Variants in IFI16 observed in about 807,000 individuals in gnomAD.
IFI16 encodes gamma-interferon-inducible protein 16.
Under a neutral mutation model 68.4 loss-of-function variants are expected in IFI16, and 49 were observed. The observed-to-expected ratio is 0.72, with a 90% CI of 0.57 to 0.91. The LOEUF is 0.91. Among genes scored for constraint, IFI16 ranks in the 40% least tolerant of loss-of-function variants. IFI16 has a pLI of 0.00. For missense variants in IFI16, 878 were observed against 942.9 expected (o/e 0.93, Z 0.90); for synonymous variants, 307 against 315.0 (o/e 0.97, Z 0.27).
intron 3 of IFI16, 125 bp downstream of exon 3, chr1:159,016,112 A>G (rs561380090): frequency 1.5e-6 from 1 of 652,242 alleles, no homozygotes; most frequent in Non-Finnish European, 2.7e-6. Context: ...AGATTTACCA[A>G]ATTGTATGAT....
intron 1 of IFI16, among the ~76,000 whole-genome samples, chr1:159,000,585 CAG>C (rs1214755355): frequency 2.6e-5 from 4 of 152,130 alleles, no homozygotes; most frequent in Non-Finnish European, 4.4e-5. Context: ...ATTTTTAAAA[CAG>C]AGTTATTCAG....
At chr1:159,051,574 G>A (rs75801539) in intron 9 of IFI16, 105 bp from the exon 10 acceptor site, 51,023 of 813,384 alleles carry the variant, frequency 0.063, 1,993 homozygotes, top group Non-Finnish European at 0.082. Context: ...ACCCAGTTAA[G>A]GTGATACTTG....
chr1:159,019,461 A>G (rs1653151693), intron 5 of IFI16, among the ~76,000 whole-genome samples: 1 of 145,238 alleles, frequency 6.9e-6, no homozygotes, highest in Admixed American at 6.7e-5. Context: ...CTTTCTGTAC[A>G]CAGTCTTTTT....
intron 7 of IFI16, among the ~76,000 whole-genome samples, chr1:159,033,307 G>T (rs1468643779): frequency 1.3e-5 from 2 of 152,180 alleles, no homozygotes; most frequent in African/African-American, 4.8e-5. Context: ...TTTCATAGAA[G>T]TGAACAGAGA....
Position 159,032,667 on chromosome 1 carries a change from T to C in IFI16, c.1305T>C (p.Thr435=). ...HLRTPQMPPT[T]PSSSFFTKKS... The stretch of plus-strand genomic sequence containing the variant: ...GGACTCCTCAGATGCCACCAACAAC[T>C]CCATCCAGCAGTTTCTTCACCAAGG... Residue 435 remains threonine, a synonymous_variant, in exon 7 of 12, where the codon ACT becomes ACC. Transcript: ENST00000295809. 1 of 1,600,564 alleles carries C rather than the reference T, an allele frequency of 6.2e-7. No homozygotes were observed. Among genetic ancestry groups the C allele is most frequent in the Non-Finnish European group, 8.5e-7 (1 of 1,175,266 alleles).
chr1:159,030,635 G>A (rs1408606558), intron 6 of IFI16, among the ~76,000 whole-genome samples: 1 of 152,150 alleles, frequency 6.6e-6, no homozygotes, highest in African/African-American at 2.4e-5. Context: ...CCTGTGATGT[G>A]GTTCGTCTTC....
chr1:159,044,908 G>A (rs1654885545), intron 7 of IFI16, among the ~76,000 whole-genome samples: 1 of 151,862 alleles, frequency 6.6e-6, no homozygotes, highest in Admixed American at 6.6e-5. Flanking sequence ...AGACTGGTTT[G>A]TGTATCTAAT....
intron 6 of IFI16, among the ~76,000 whole-genome samples, chr1:159,026,470 T>C (rs1458054518): frequency 4.6e-5 from 7 of 152,078 alleles, no homozygotes; most frequent in Admixed American, 4.6e-4. Context: ...GGCTAATTTT[T>C]GTATCTTTAG....
At chr1:159,007,269 G>A (rs1652295232), upstream of IFI16, among the ~76,000 whole-genome samples, 1 of 152,156 alleles carries the variant, frequency 6.6e-6, no homozygotes, top group Admixed American at 6.5e-5. Context: ...TAACAGCAAA[G>A]GTCCAGCCCC....
chr1:159,051,858 T>G lies in IFI16; in HGVS notation c.1845T>G (p.Val615=), dbSNP rs774959122. ...AGAATGAAGTCTTCCGAGTGAAGGTTTTTAATATTGACCTAAAGGAGAAGT... is the reference window on the plus strand; with the variant it reads ...AGAATGAAGTCTTCCGAGTGAAGGTGTTTAATATTGACCTAAAGGAGAAGT... ...ATENEVFRVK[V]FNIDLKEKFT... is the part of the protein sequence containing the mutation. Residue 615 remains valine, a synonymous_variant, in exon 10 of 12, where the codon GTT becomes GTG. Transcript: ENST00000295809. 4.3e-6 allele frequency: 7 copies of G among 1,614,074 alleles called. No individual in the cohort carries two copies. The highest frequency in any genetic ancestry group is 5.9e-6 in the Non-Finnish European group (7 of 1,179,964).
At chr1:159,008,187 A>G (rs1218726725), upstream of IFI16, among the ~76,000 whole-genome samples, 1 of 152,230 alleles carries the variant, frequency 6.6e-6, no homozygotes, top group Admixed American at 6.5e-5. Context: ...TACATAATTG[A>G]GAGATTTTAT....
At chr1:159,032,718 A>G (rs759736787) in intron 7 of IFI16, 27 bp downstream of exon 7, 8 of 1,537,814 alleles carry the variant, frequency 5.2e-6, no homozygotes. Context: ...CCCATGCCTC[A>G]TGTCTCCCCA....
intron 9 of IFI16, 65 bp downstream of exon 9, chr1:159,049,664 C>G: frequency 6.3e-7 from 1 of 1,594,014 alleles, no homozygotes; most frequent in Non-Finnish European, 8.6e-7. Context: ...TTAACACAAC[C>G]GTGAAAGCAC....
chr1:159,005,558 T>A (rs1652222163), upstream of IFI16, among the ~76,000 whole-genome samples: 4 of 152,218 alleles, frequency 2.6e-5, no homozygotes, highest in Admixed American at 2.6e-4. Context: ...AACAGAGTTG[T>A]CTGGAGTTTA....
intron 7 of IFI16, among the ~76,000 whole-genome samples, chr1:159,039,718 A>T (rs1317499657): frequency 1.3e-5 from 2 of 152,122 alleles, no homozygotes; most frequent in Non-Finnish European, 2.9e-5. Flanking sequence ...GGCCAGAATC[A>T]CCCCAGTTGA....
intron 7 of IFI16, among the ~76,000 whole-genome samples, chr1:159,040,217 T>C (rs1654543522): frequency 6.6e-6 from 1 of 152,200 alleles, no homozygotes; most frequent in African/African-American, 2.4e-5. Context: ...ATGAGGCATA[T>C]AATAATTGGA....
chr1:159,047,264 A>T (rs1655049997), intron 8 of IFI16, among the ~76,000 whole-genome samples: 1 of 151,000 alleles, frequency 6.6e-6, no homozygotes, highest in South Asian at 2.1e-4. Flanking sequence ...TCAATTTTTT[A>T]GACAGTCTTT....
At position 159,051,895 on chromosome 1, in the gene IFI16, A is replaced by C; in HGVS notation, c.1882A>C (p.Lys628Gln). The C allele has an allele frequency of 6.2e-7, 1 of 1,614,096 alleles. No homozygotes were observed. The highest frequency in any genetic ancestry group is 8.5e-7 in the Non-Finnish European group (1 of 1,179,950). Residue 628 changes from lysine to glutamine, a missense_variant, in exon 10 of 12, where the codon AAG becomes CAG. Around this residue, in one of 4 missense-constraint regions of IFI16, gnomAD observed 311 missense variants for 305.1 expected, o/e 1.02. Coordinates refer to ENST00000295809, the MANE Select transcript of IFI16 (RefSeq NM_001376587.1). ...CCTAAAGGAGAAGTTCACCCCAAAGAAGATCATTGCCATAGCAAATTATGT... is the reference window on the plus strand; with the variant it reads ...CCTAAAGGAGAAGTTCACCCCAAAGCAGATCATTGCCATAGCAAATTATGT... Reference protein sequence around the residue: ...IDLKEKFTPKKIIAIANYVCR... With the variant: ...IDLKEKFTPKQIIAIANYVCR...
intron 7 of IFI16, among the ~76,000 whole-genome samples, chr1:159,040,476 A>T (rs113762529): frequency 2.2e-4 from 34 of 152,256 alleles, no homozygotes; most frequent in Non-Finnish European, 1.5e-4. Flanking sequence ...ATAGCTACTC[A>T]TGCTACGAAG....
Sources: gnomAD v4.1 joint callset for allele counts (sites outside exome capture counted in the v4.1 genomes callset) on GRCh38, gnomAD v4.1.1 for gene constraint, gnomAD v4.1.1 regional missense constraint, MANE v1.5 for transcripts, NCBI Gene and HGNC (gene_info 2026-07-23, HGNC 2026-07-21) for gene names.